Variants in KIFAP3 observed in about 807,000 individuals in gnomAD.
KIFAP3 encodes kinesin associated protein 3.
In KIFAP3, 68 loss-of-function variants were observed where a neutral mutation model predicts 106.5. The observed-to-expected ratio is 0.64, with a 90% CI of 0.53 to 0.78. KIFAP3 has a LOEUF of 0.78. Ranked by LOEUF, KIFAP3 falls within the 30% of genes least tolerant of loss-of-function variation. The pLI is 0.00. For synonymous variants in KIFAP3, 320 were observed against 311.5 expected, an observed-to-expected ratio of 1.03 and a Z score of -0.29; for missense variants, 780 against 941.8, an observed-to-expected ratio of 0.83 and a Z score of 2.25.
At chr1:169,952,358 G>T (rs905014501) in intron 19 of KIFAP3, among the ~76,000 whole-genome samples, 1 of 151,808 alleles carries the variant, frequency 6.6e-6, no homozygotes. Flanking sequence ...ACAGGAAGTG[G>T]AATATAATAA....
chr1:170,027,442 C>CG (rs958591190), intron 8 of KIFAP3, among the ~76,000 whole-genome samples: 29 of 152,082 alleles, frequency 1.9e-4, no homozygotes, highest in African/African-American at 6.5e-4. Context: ...ATTATAAAAA[C>CG]GGAACATTAT....
chr1:169,973,105 GTATA>G lies in KIFAP3; in HGVS notation c.1898-511_1898-508del, dbSNP rs1553278126. On this transcript the variant is annotated intron_variant, in intron 16 of 19. Transcript: ENST00000361580. Reference sequence around the variant, plus strand: ...ATAAAAATAATTTAAAAAATAGTGTGTATATATATATATATATAAACAACACAAA... The same window carrying G: ...ATAAAAATAATTTAAAAAATAGTGTGTATATATATATATAAACAACACAAA... Among the ~76,000 whole-genome samples the G allele has an allele frequency of 3.2e-4, 29 of 90,314 alleles. 3 individuals carry two copies. Among genetic ancestry groups the G allele is most frequent in the African/African-American group, 1.1e-3 (25 of 21,862 alleles). 59.2% of individuals were successfully genotyped at this position (90,314 alleles called of 152,430 possible). A position where few individuals can be genotyped will look rare whatever the true frequency, so the allele number is the denominator to read the frequency against.
intron 15 of KIFAP3, among the ~76,000 whole-genome samples, chr1:169,979,284 A>G (rs906763744): frequency 6.6e-6 from 1 of 152,142 alleles, no homozygotes; most frequent in African/African-American, 2.4e-5. Flanking sequence ...CCAACTACTT[A>G]GTCTTTCTTT....
At chr1:170,067,307 G>C (rs1361267140) in intron 1 of KIFAP3, among the ~76,000 whole-genome samples, 2 of 152,142 alleles carry the variant, frequency 1.3e-5, no homozygotes, top group Non-Finnish European at 2.9e-5. Context: ...AGTGACATCA[G>C]TGAAAACGGC....
At chr1:170,079,225 C>G (rs574894125), upstream of KIFAP3, among the ~76,000 whole-genome samples, 26 of 152,236 alleles carry the variant, frequency 1.7e-4, no homozygotes, top group African/African-American at 6.3e-4. Flanking sequence ...GCACCTCCCC[C>G]ACCTCTTGCC....
rs112272841 is a variant in KIFAP3, at chr1:169,960,906, G to C, written c.2173+140C>G. The stretch of plus-strand genomic sequence containing the variant: ...TTAATAGGTTTGCTTATTATATATA[G>C]ACGTTACATCTAAAATCATTAGCAG... On this transcript the variant is annotated intron_variant, in intron 18 of 19. Transcript: ENST00000361580. The C allele has an allele frequency of 8.1e-3, 4,697 of 579,744 alleles. 154 individuals are homozygous for C. Among genetic ancestry groups the C allele is most frequent in the African/African-American group, 0.069 (3,600 of 52,544 alleles). The allele number at this position is 579,744 out of a possible 1,614,324, so 35.9% of individuals were successfully genotyped here. A position where few individuals can be genotyped will look rare whatever the true frequency, so the allele number is the denominator to read the frequency against.
intron 11 of KIFAP3, among the ~76,000 whole-genome samples, chr1:169,991,507 A>G (rs1667106502): frequency 6.6e-6 from 1 of 152,212 alleles, no homozygotes. Flanking sequence ...TAGAAGAACA[A>G]TAATATCCAG....
rs1480481265 is a variant in KIFAP3 at position 169,954,053 on chromosome 1, A to AGGT, written c.2228_2230dup (p.His743dup). 1 of 1,613,820 alleles carries AGGT rather than the reference A, an allele frequency of 6.2e-7. No homozygotes were observed. Among genetic ancestry groups the AGGT allele is most frequent in the East Asian group, 2.2e-5 (1 of 44,844 alleles). ...CTGCCCAACAACATCTCCATTTTGA[A>AGGT]GGTGGTAATCATTGAAGAAATCGGG... On this transcript the variant is annotated inframe_insertion, in exon 19 of 20. Coordinates refer to ENST00000361580, the MANE Select transcript of KIFAP3 (RefSeq NM_014970.4).
chr1:169,953,036 A>C (rs1400674189), intron 19 of KIFAP3, among the ~76,000 whole-genome samples: 1 of 152,156 alleles, frequency 6.6e-6, no homozygotes, highest in Non-Finnish European at 1.5e-5. Flanking sequence ...ACTAGGCTTA[A>C]GGGAAAATAA....
rs1671854957 is a variant in KIFAP3 at position 170,074,667 on chromosome 1, G to C, written c.-200C>G. On this transcript the variant is annotated 5_prime_UTR_variant, in exon 1 of 20. Coordinates refer to ENST00000361580, the MANE Select transcript of KIFAP3 (RefSeq NM_014970.4). ...ACAGCTTCTGTGCCCCAAAACACTGGAGCGGCCCAGACCCGCCCAGAGTCG... is the reference window on the plus strand; with the variant it reads ...ACAGCTTCTGTGCCCCAAAACACTGCAGCGGCCCAGACCCGCCCAGAGTCG... 17 of 1,447,524 alleles carry C rather than the reference G, an allele frequency of 1.2e-5. No homozygotes were observed. Among genetic ancestry groups the C allele is most frequent in the Non-Finnish European group, 1.5e-5 (16 of 1,100,008 alleles). 89.7% of individuals were successfully genotyped at this position (1,447,524 alleles called of 1,614,324 possible).
rs1671848932 is a variant in KIFAP3 at position 170,074,549 on chromosome 1, C to T, written c.-82G>A. The T allele has an allele frequency of 1.2e-6, 2 of 1,602,532 alleles. No individual in the cohort carries two copies. Among genetic ancestry groups the T allele is most frequent in the Non-Finnish European group, 1.7e-6 (2 of 1,174,728 alleles). On this transcript the variant is annotated 5_prime_UTR_variant, in exon 1 of 20. Coordinates refer to ENST00000361580, the MANE Select transcript of KIFAP3 (RefSeq NM_014970.4). Reference sequence around the variant, plus strand: ...ATTTCCGGGGACGGTGGCCAAAGTACCCTCACACCCAGAGGCGATGACAGT... The same window carrying T: ...ATTTCCGGGGACGGTGGCCAAAGTATCCTCACACCCAGAGGCGATGACAGT...
chr1:170,030,805 G>A (rs934200794), intron 8 of KIFAP3, among the ~76,000 whole-genome samples: 5 of 151,812 alleles, frequency 3.3e-5, no homozygotes, highest in Non-Finnish European at 5.9e-5. Flanking sequence ...GAAGGAAGAA[G>A]GAAAGGGAGA....
chr1:170,040,136 C>G (rs191690628), intron 3 of KIFAP3, among the ~76,000 whole-genome samples: 1 of 152,026 alleles, frequency 6.6e-6, no homozygotes, highest in Non-Finnish European at 1.5e-5. Context: ...CAGCTTAATT[C>G]TGCTTCAAAC....
chr1:170,013,898 A>G (rs1257497668), intron 10 of KIFAP3, among the ~76,000 whole-genome samples: 1 of 152,176 alleles, frequency 6.6e-6, no homozygotes, highest in Admixed American at 6.6e-5. Flanking sequence ...GCAATTCTCC[A>G]TATCCCTGTT....
At chr1:169,999,569 G>A (rs531329943) in intron 10 of KIFAP3, among the ~76,000 whole-genome samples, 67 of 151,864 alleles carry the variant, frequency 4.4e-4, no homozygotes, top group Non-Finnish European at 7.4e-5. Context: ...GGGCAGGGTA[G>A]AAAAAAAATG....
intron 9 of KIFAP3, among the ~76,000 whole-genome samples, chr1:170,022,645 T>C (rs1668905626): frequency 6.6e-6 from 1 of 152,174 alleles, no homozygotes; most frequent in Non-Finnish European, 1.5e-5. Flanking sequence ...TCTACAGATG[T>C]CCTTAAATAA....
At chr1:169,970,856 A>G (rs147628949) in intron 17 of KIFAP3, among the ~76,000 whole-genome samples, 79 of 152,158 alleles carry the variant, frequency 5.2e-4, no homozygotes, top group African/African-American at 1.8e-3. Context: ...ATAGGTTTAA[A>G]GTGCGGAAAT....
intron 16 of KIFAP3, among the ~76,000 whole-genome samples, chr1:169,976,642 A>G (rs1162604522): frequency 6.6e-6 from 1 of 152,126 alleles, no homozygotes; most frequent in Non-Finnish European, 1.5e-5. Flanking sequence ...TCGATAGCCC[A>G]TATTAATATT....
At chr1:170,040,581 G>A (rs1366492827) in intron 3 of KIFAP3, among the ~76,000 whole-genome samples, 1 of 152,142 alleles carries the variant, frequency 6.6e-6, no homozygotes, top group African/African-American at 2.4e-5. Context: ...CACTAGGAAA[G>A]ATCAACTATA....
Sources: allele counts gnomAD v4.1 joint callset (sites outside exome capture counted in the v4.1 genomes callset), GRCh38; gene constraint gnomAD v4.1.1; transcripts MANE v1.5; gene names NCBI Gene and HGNC (gene_info 2026-07-23, HGNC 2026-07-21).